Variants in SGIP1 observed in about 807,000 individuals in gnomAD.
SGIP1 encodes SH3GL interacting endocytic adaptor 1.
A neutral mutation model predicts 107.5 loss-of-function variants in SGIP1; 38 were observed. The observed-to-expected ratio is 0.35, with a 90% CI of 0.27 to 0.46. The LOEUF is 0.46. Among genes scored for constraint, SGIP1 ranks in the 20% least tolerant of loss-of-function variants. The probability of loss-of-function intolerance (pLI) is 1.00; values close to 1 mark genes in which losing one functional copy is unlikely to be tolerated. For missense variants in SGIP1, 929 were observed against 1,019.5 expected, an observed-to-expected ratio of 0.91 and a Z score of 1.21; for synonymous variants, 365 against 366.1, an observed-to-expected ratio of 1.00 and a Z score of 0.03.
At position 66,744,997 on chromosome 1, in the gene SGIP1, A is replaced by C. The variant is rs1057149751; in HGVS notation, c.*1902A>C. 3 of 152,512 alleles carry C rather than the reference A, an allele frequency of 2.0e-5. No homozygotes were observed. The highest frequency in any genetic ancestry group is 4.4e-5 in the Non-Finnish European group (3 of 67,912). The allele number at this position is 152,512 out of a possible 1,614,324, so 9.4% of individuals were successfully genotyped here. A position where few individuals can be genotyped will look rare whatever the true frequency, so the allele number is the denominator to read the frequency against. ...AGCAGCAAACTGAGAATTATCCAGC[A>C]TATGAATATAACAATGTGTTTTTAA... On this transcript the variant is annotated 3_prime_UTR_variant, in exon 25 of 25. Transcript: ENST00000371037.
chr1:66,535,601 C>A (rs1215275360), intron 1 of SGIP1, among the ~76,000 whole-genome samples: 2 of 152,102 alleles, frequency 1.3e-5, no homozygotes, highest in Non-Finnish European at 2.9e-5. Context: ...AGAGTCAAAA[C>A]CCACAGATTT....
chr1:66,572,233 A>G (rs2060477090), intron 1 of SGIP1, among the ~76,000 whole-genome samples: 1 of 152,036 alleles, frequency 6.6e-6, no homozygotes, highest in Non-Finnish European at 1.5e-5. Flanking sequence ...TAAATCTCAG[A>G]GATTTGACTT....
rs376277346 is a variant in SGIP1 at position 66,635,951 on chromosome 1, G to A, written c.107G>A (p.Ser36Asn). ...GSPDRDGIQPSPHEPPYNSKA... is the reference protein window; with the variant it reads ...GSPDRDGIQPNPHEPPYNSKA... ...GAAAACAATCAATTCCAGCAGCCCA[G>A]CCCACACGAACCACCCTACAATAGC... Residue 36 changes from serine (S) to asparagine (N), a missense_variant, in exon 4 of 25, where the codon AGC becomes AAC. Coordinates refer to ENST00000371037, the MANE Select transcript of SGIP1 (RefSeq NM_032291.4). The A allele has an allele frequency of 6.2e-7, 1 of 1,613,674 alleles. No individual in the cohort carries two copies. The highest frequency in any genetic ancestry group is 1.3e-5 in the African/African-American group (1 of 74,886).
At chr1:66,562,819 G>A (rs2059142014) in intron 1 of SGIP1, among the ~76,000 whole-genome samples, 1 of 152,042 alleles carries the variant, frequency 6.6e-6, no homozygotes, top group South Asian at 2.1e-4. Context: ...GCATGAGCAA[G>A]GTTCTGGAAC....
At chr1:66,718,106 C>T (rs2093346390) in intron 18 of SGIP1, among the ~76,000 whole-genome samples, 1 of 152,058 alleles carries the variant, frequency 6.6e-6, no homozygotes. Flanking sequence ...TCAAGGGAAG[C>T]TTTATTGAGG....
At chr1:66,657,579 CAG>C (rs2080039682) in intron 7 of SGIP1, among the ~76,000 whole-genome samples, 1 of 152,098 alleles carries the variant, frequency 6.6e-6, no homozygotes, top group Admixed American at 6.5e-5. Flanking sequence ...TAATAACAGC[CAG>C]AGAGAGACAG....
chr1:66,551,831 G>A (rs2057461199), intron 1 of SGIP1, among the ~76,000 whole-genome samples: 1 of 152,178 alleles, frequency 6.6e-6, no homozygotes, highest in South Asian at 2.1e-4. Context: ...TCCAACGTGT[G>A]CAGAAGTCCA....
At chr1:66,675,316 T>C (rs948008075) in intron 12 of SGIP1, among the ~76,000 whole-genome samples, 1 of 152,134 alleles carries the variant, frequency 6.6e-6, no homozygotes, top group Non-Finnish European at 1.5e-5. Context: ...TTGAGGCTTG[T>C]GGTGGGGAGG....
Position 66,547,917 on chromosome 1 carries a change from G to A in SGIP1, c.10+13549G>A, listed in dbSNP as rs79100778. On this transcript the variant is annotated intron_variant, in intron 1 of 24. Transcript: ENST00000371037. Reference sequence around the variant, plus strand: ...ATACCTTGTGACCCATGAAGCTCTGGAACAGCATTTCAGGAGTGAAAACAG... The same window carrying A: ...ATACCTTGTGACCCATGAAGCTCTGAAACAGCATTTCAGGAGTGAAAACAG... Among the ~76,000 whole-genome samples, 615 of 152,262 alleles carry A rather than the reference G, an allele frequency of 4.0e-3. 4 individuals are homozygous for A. The highest frequency in any genetic ancestry group is 0.014 in the African/African-American group (577 of 41,560).
Position 66,643,725 on chromosome 1 carries a change from T to A in SGIP1, c.459+6T>A. 1 of 1,591,174 alleles carries A rather than the reference T, an allele frequency of 6.3e-7. No individual in the cohort carries two copies. Among genetic ancestry groups the A allele is most frequent in the African/African-American group, 1.4e-5 (1 of 72,328 alleles). On this transcript the variant is annotated splice_donor_region_variant and intron_variant, in intron 7 of 24. Transcript: ENST00000371037. ...CACTTTCCCCATCACCAGTGGTGAG[T>A]GTTGTGTGTGTGTGTGTTAAGCTTT...
At chr1:66,652,416 C>T (rs772541693) in intron 7 of SGIP1, among the ~76,000 whole-genome samples, 4 of 152,120 alleles carry the variant, frequency 2.6e-5, no homozygotes, top group South Asian at 2.1e-4. Flanking sequence ...CCTACCCTGG[C>T]GTGTAGGCTA....
intron 1 of SGIP1, among the ~76,000 whole-genome samples, chr1:66,594,009 A>T (rs2064144610): frequency 6.6e-6 from 1 of 152,232 alleles, no homozygotes; most frequent in African/African-American, 2.4e-5. Flanking sequence ...ATGAAATAAG[A>T]CTATTATTCA....
chr1:66,585,778 C>T (rs1016017699), intron 1 of SGIP1, among the ~76,000 whole-genome samples: 1 of 152,070 alleles, frequency 6.6e-6, no homozygotes, highest in Admixed American at 6.6e-5. Flanking sequence ...GCATGAGACA[C>T]TGTGCCAGGC....
At chr1:66,540,666 C>T (rs1343816250) in intron 1 of SGIP1, among the ~76,000 whole-genome samples, 1 of 152,178 alleles carries the variant, frequency 6.6e-6, no homozygotes, top group Non-Finnish European at 1.5e-5. Context: ...TTTTCAGATG[C>T]AAATTACTCC....
At chr1:66,711,456 T>A (rs1030449654) in intron 18 of SGIP1, among the ~76,000 whole-genome samples, 1 of 152,194 alleles carries the variant, frequency 6.6e-6, no homozygotes, top group Non-Finnish European at 1.5e-5. Context: ...GCATTATGTA[T>A]AACATATTCT....
intron 19 of SGIP1, among the ~76,000 whole-genome samples, chr1:66,726,376 C>G (rs1443811771): frequency 6.6e-6 from 1 of 152,130 alleles, no homozygotes; most frequent in East Asian, 1.9e-4. Flanking sequence ...TAGACATTGA[C>G]ACGGTGATTA....
At chr1:66,554,420 C>A (rs182306261) in intron 1 of SGIP1, among the ~76,000 whole-genome samples, 1 of 152,078 alleles carries the variant, frequency 6.6e-6, no homozygotes, top group South Asian at 2.1e-4. Context: ...GCTACTGTAA[C>A]CTTTCCCTTG....
intron 1 of SGIP1, among the ~76,000 whole-genome samples, chr1:66,561,084 C>T (rs897002445): frequency 1.3e-5 from 2 of 152,052 alleles, no homozygotes; most frequent in Non-Finnish European, 2.9e-5. Flanking sequence ...CTCATAATAA[C>T]TAACATTAAT....
intron 1 of SGIP1, among the ~76,000 whole-genome samples, chr1:66,617,452 A>G (rs949889876): frequency 2.0e-5 from 3 of 152,236 alleles, no homozygotes; most frequent in Admixed American, 6.5e-5. Context: ...TGATACACAA[A>G]GCACCTTAAT....
Sources: allele counts gnomAD v4.1 joint callset (sites outside exome capture counted in the v4.1 genomes callset), GRCh38; gene constraint gnomAD v4.1.1; transcripts MANE v1.5; gene names NCBI Gene and HGNC (gene_info 2026-07-23, HGNC 2026-07-21).